Variants in TMEM163 observed in about 807,000 individuals in gnomAD.
TMEM163 encodes transmembrane protein 163.
A neutral mutation model predicts 29.3 loss-of-function variants in TMEM163; 17 were observed. The observed-to-expected ratio is 0.58, with a 90% CI of 0.40 to 0.87. TMEM163 has a LOEUF of 0.87. Among genes scored for constraint, TMEM163 ranks in the 40% least tolerant of loss-of-function variants. TMEM163 has a pLI of 0.00. For synonymous variants in TMEM163, 157 were observed against 160.6 expected (o/e 0.98, Z 0.17); for missense variants, 303 against 381.5 (o/e 0.79, Z 1.71).
intron 4 of TMEM163, among the ~76,000 whole-genome samples, chr2:134,537,566 G>A (rs1397855834): frequency 1.3e-5 from 2 of 152,172 alleles, no homozygotes; most frequent in African/African-American, 2.4e-5. Flanking sequence ...CTGGGAATTA[G>A]GGCTTCAATA....
At chr2:134,711,607 A>T (rs1459481660) in intron 2 of TMEM163, among the ~76,000 whole-genome samples, 1 of 152,244 alleles carries the variant, frequency 6.6e-6, no homozygotes, top group Non-Finnish European at 1.5e-5. Context: ...TGTATGCACT[A>T]TGCAACTGTC....
chr2:134,610,463 T>C (rs1682479215), intron 2 of TMEM163, among the ~76,000 whole-genome samples: 1 of 152,086 alleles, frequency 6.6e-6, no homozygotes, highest in South Asian at 2.1e-4. Flanking sequence ...TTTAGTGGTC[T>C]GGGGGGAGGT....
chr2:134,583,322 C>T (rs573407523), intron 2 of TMEM163, among the ~76,000 whole-genome samples: 12 of 152,290 alleles, frequency 7.9e-5, no homozygotes, highest in African/African-American at 2.9e-4. Flanking sequence ...ACATTTAGAC[C>T]CACAGCAAGT....
intron 4 of TMEM163, among the ~76,000 whole-genome samples, chr2:134,516,690 T>TGC (rs1417627435): frequency 7.6e-6 from 1 of 131,396 alleles, no homozygotes; most frequent in Non-Finnish European, 1.7e-5. Context: ...TATATGCATA[T>TGC]ATATGCATAT....
At chr2:134,701,956 T>C (rs1474728458) in intron 2 of TMEM163, among the ~76,000 whole-genome samples, 1 of 146,648 alleles carries the variant, frequency 6.8e-6, no homozygotes, top group Non-Finnish European at 1.5e-5. Context: ...AACAGAAGGC[T>C]GAAATCTCCA....
At chr2:134,601,056 T>C (rs1264967302) in intron 2 of TMEM163, among the ~76,000 whole-genome samples, 2 of 152,212 alleles carry the variant, frequency 1.3e-5, no homozygotes, top group Admixed American at 1.3e-4. Flanking sequence ...GCTTTCACAG[T>C]AAAAATATAT....
intron 5 of TMEM163, among the ~76,000 whole-genome samples, chr2:134,493,478 A>G (rs960708424): frequency 1.4e-5 from 2 of 144,874 alleles, no homozygotes; most frequent in Admixed American, 1.4e-4. Context: ...GGTTCAAGCA[A>G]TTCTCCTACC....
intron 2 of TMEM163, among the ~76,000 whole-genome samples, chr2:134,577,486 T>C (rs188486410): frequency 4.6e-5 from 7 of 152,104 alleles, no homozygotes; most frequent in African/African-American, 1.7e-4. Flanking sequence ...AGGGCTGCAG[T>C]GAGAGGAGGA....
intron 2 of TMEM163, among the ~76,000 whole-genome samples, chr2:134,606,895 G>A (rs1015439202): frequency 9.2e-5 from 14 of 152,254 alleles, no homozygotes; most frequent in Admixed American, 5.9e-4. Context: ...AGGCTCGGGT[G>A]TGGCGCAGCA....
intron 2 of TMEM163, among the ~76,000 whole-genome samples, chr2:134,680,292 G>A (rs911395414): frequency 1.3e-5 from 2 of 151,864 alleles, no homozygotes; most frequent in African/African-American, 4.8e-5. Context: ...TTACCCTCAA[G>A]GGATAGATAA....
rs1359442662 is a variant in TMEM163, at chr2:134,503,110, G to T, written c.459-113C>A. 12 of 1,059,464 alleles carry T rather than the reference G, an allele frequency of 1.1e-5. No individual in the cohort carries two copies. The Admixed American group carries it at 1.9e-4, about 17-fold the overall frequency. 65.6% of individuals were successfully genotyped at this position (1,059,464 alleles called of 1,614,324 possible). A position where few individuals can be genotyped will look rare whatever the true frequency, so the allele number is the denominator to read the frequency against. On this transcript the variant is annotated intron_variant, in intron 4 of 7. Coordinates refer to ENST00000281924, the MANE Select transcript of TMEM163 (RefSeq NM_030923.5). Reference sequence around the variant, plus strand: ...CTGGGAATGAACTCAATTGTAATTTGCCACACCCCCAGGGTGACCACCCAC... The same window carrying T: ...CTGGGAATGAACTCAATTGTAATTTTCCACACCCCCAGGGTGACCACCCAC...
intron 4 of TMEM163, among the ~76,000 whole-genome samples, chr2:134,517,375 T>TA (rs565670830): frequency 1.1e-3 from 173 of 152,164 alleles, no homozygotes; most frequent in African/African-American, 4.0e-3. Flanking sequence ...TACGGAGAAA[T>TA]AGAGAGCTGG....
chr2:134,582,921 T>G (rs1681728899), intron 2 of TMEM163, among the ~76,000 whole-genome samples: 2 of 152,176 alleles, frequency 1.3e-5, no homozygotes, highest in Admixed American at 1.3e-4. Flanking sequence ...AAGAATCCAC[T>G]GGCTTGAACA....
intron 2 of TMEM163, among the ~76,000 whole-genome samples, chr2:134,614,867 CA>C (rs1343601271): frequency 6.7e-6 from 1 of 148,694 alleles, no homozygotes; most frequent in Non-Finnish European, 1.5e-5. Context: ...AAAAAAAAAA[CA>C]AAACACATTT....
intron 4 of TMEM163, among the ~76,000 whole-genome samples, chr2:134,517,909 T>G (rs1310045981): frequency 1.3e-5 from 2 of 152,138 alleles, no homozygotes; most frequent in South Asian, 2.1e-4. Flanking sequence ...ATCTGCAAAT[T>G]GTGGGCTTCC....
At chr2:134,673,670 G>A (rs1684043236) in intron 2 of TMEM163, among the ~76,000 whole-genome samples, 1 of 152,198 alleles carries the variant, frequency 6.6e-6, no homozygotes, top group African/African-American at 2.4e-5. Flanking sequence ...ATGTGACAAT[G>A]GAAGCAGAAA....
chr2:134,713,446 CCACA>C (rs1281335847), intron 1 of TMEM163, 127 bp from the exon 2 acceptor site: 16 of 1,342,530 alleles, frequency 1.2e-5, no homozygotes, highest in Non-Finnish European at 1.6e-5. Context: ...TTTGTTTGGC[CCACA>C]CTGTGTTTTA....
intron 4 of TMEM163, among the ~76,000 whole-genome samples, chr2:134,537,800 T>G (rs921855163): frequency 4.6e-5 from 7 of 152,188 alleles, no homozygotes; most frequent in Non-Finnish European, 1.0e-4. Context: ...AAGAGGCCAG[T>G]AGAACAAACG....
In TMEM163 at chr2:134,552,036, C is replaced by CAG; in HGVS notation, c.366+10_366+11dup. ...TGCAAAACTTGATGAAAGTACATTTCAGGTTACTTACTGCAAACCCAAAAG... is the reference window on the plus strand; with the variant it reads ...TGCAAAACTTGATGAAAGTACATTTCAGAGGTTACTTACTGCAAACCCAAAAG... On this transcript the variant is annotated intron_variant, in intron 3 of 7. Transcript: ENST00000281924. 1 of 1,612,420 alleles carries CAG rather than the reference C, an allele frequency of 6.2e-7. No individual in the cohort carries two copies.
Sources: allele counts gnomAD v4.1 joint callset (sites outside exome capture counted in the v4.1 genomes callset), GRCh38; gene constraint gnomAD v4.1.1; transcripts MANE v1.5; gene names NCBI Gene and HGNC (gene_info 2026-07-23, HGNC 2026-07-21).